AFF2: variants seen among roughly 807,000 people sequenced by gnomAD.
AFF2 encodes the protein ALF transcription elongation factor 2, also known as AF4/FMR2 family member 2.
Under a neutral mutation model 76.9 loss-of-function variants are expected in AFF2, and 14 were observed. That is an observed-to-expected ratio of 0.18 (90% CI 0.12 to 0.28). The LOEUF (loss-of-function observed/expected upper bound fraction) is 0.28, where lower values mean the gene tolerates loss of function less well. Among genes scored for constraint, AFF2 ranks in the 10% least tolerant of loss-of-function variants. AFF2 has a pLI of 1.00. For synonymous variants in AFF2, 398 were observed against 366.7 expected (o/e 1.09, Z -0.98); for missense variants, 868 against 1,001.1 (o/e 0.87, Z 1.79).
At chrX:148,703,458 G>A (rs782083654) in intron 3 of AFF2, among the ~76,000 whole-genome samples, 49 of 111,680 alleles carry the variant, frequency 4.4e-4, no homozygotes, top group Admixed American at 1.4e-3. Flanking sequence ...CATATCCCAG[G>A]AAAAATAATT....
chrX:148,955,346 A>G (rs1451106631), intron 10 of AFF2, among the ~76,000 whole-genome samples: 1 of 112,779 alleles, frequency 8.9e-6, no homozygotes, highest in African/African-American at 3.2e-5. Context: ...TGGCCAAACT[A>G]GAGAATATTT....
At chrX:148,852,015 T>C (rs370819060) in intron 7 of AFF2, among the ~76,000 whole-genome samples, 1 of 110,988 alleles carries the variant, frequency 9.0e-6, no homozygotes, top group South Asian at 3.8e-4. Flanking sequence ...CTAAGGATAA[T>C]AGCCTCCAGC....
chrX:148,719,163 AC>A, intron 3 of AFF2: 3 of 1,146,743 alleles, frequency 2.6e-6, no homozygotes, highest in Non-Finnish European at 3.5e-6. Context: ...GATATGCTTC[AC>A]CCCTCTTTCT....
intron 1 of AFF2, among the ~76,000 whole-genome samples, chrX:148,528,304 C>G (rs1447068240): frequency 2.7e-5 from 3 of 111,913 alleles, no homozygotes; most frequent in Non-Finnish European, 5.6e-5. Context: ...CTTTAGCACA[C>G]TAGTCAATTA....
intron 9 of AFF2, among the ~76,000 whole-genome samples, chrX:148,906,388 G>T (rs2071407644): frequency 9.0e-6 from 1 of 111,426 alleles, no homozygotes; most frequent in African/African-American, 3.3e-5. Flanking sequence ...ATTGAGAGGG[G>T]GACTGAGAGA....
intron 3 of AFF2, 145 bp from the exon 4 acceptor site, chrX:148,809,731 A>T: frequency 3.8e-6 from 2 of 520,643 alleles, no homozygotes; most frequent in Non-Finnish European, 6.2e-6. Context: ...AAACAAAATT[A>T]GTCATTTGCA....
intron 3 of AFF2, among the ~76,000 whole-genome samples, chrX:148,741,021 G>T (rs367797320): frequency 8.9e-6 from 1 of 111,985 alleles, no homozygotes; most frequent in African/African-American, 3.2e-5. Flanking sequence ...TCTCTCACCC[G>T]TGGATACCAG....
intron 3 of AFF2, among the ~76,000 whole-genome samples, chrX:148,746,687 C>G (rs896257775): frequency 8.0e-5 from 9 of 112,758 alleles, no homozygotes; most frequent in African/African-American, 2.6e-4. Context: ...CCTGCAACTT[C>G]CTATCCTGGG....
In AFF2 at chrX:148,758,899, A is replaced by G. The variant is rs376381573; in HGVS notation, c.1042-50977A>G. Among the ~76,000 whole-genome samples, 4 of 111,583 alleles carry G rather than the reference A, an allele frequency of 3.6e-5. No individual in the cohort carries two copies. In the East Asian group the frequency reaches 8.5e-4, roughly 24 times the overall value. ...TTTCCCAACTGTCCTGAGATTCCCA[A>G]CTGAGCTGGGATTATAGGGGTCCGC... On this transcript the variant is annotated intron_variant, in intron 3 of 20. Transcript: ENST00000370460.
intron 3 of AFF2, among the ~76,000 whole-genome samples, chrX:148,680,266 G>T (rs782526966): frequency 3.6e-5 from 4 of 112,359 alleles, no homozygotes; most frequent in Non-Finnish European, 7.5e-5. Context: ...TGCTGAATAA[G>T]TGAATACATC....
chrX:148,753,712 T>C (rs1422588435), intron 3 of AFF2, among the ~76,000 whole-genome samples: 4 of 111,719 alleles, frequency 3.6e-5, no homozygotes, highest in South Asian at 3.7e-4. Flanking sequence ...TTGTCACTGT[T>C]AATTGTGACT....
intron 3 of AFF2, among the ~76,000 whole-genome samples, chrX:148,685,654 A>G (rs12395540): frequency 0.062 from 6,868 of 111,236 alleles, 531 homozygotes; most frequent in African/African-American, 0.21. Flanking sequence ...ACTATTGTAG[A>G]TAGGAACCAT....
chrX:148,964,025 A>C (rs782434304), intron 13 of AFF2, among the ~76,000 whole-genome samples: 3 of 112,369 alleles, frequency 2.7e-5, no homozygotes, highest in African/African-American at 9.7e-5. Context: ...ATGAAGTGTA[A>C]AAGATCCACA....
At chrX:148,882,669 C>T (rs5936235) in intron 7 of AFF2, among the ~76,000 whole-genome samples, 5,411 of 111,616 alleles carry the variant, frequency 0.048, 116 homozygotes, top group South Asian at 0.093. Context: ...TCTGCTGAGA[C>T]GACCTTAACT....
At chrX:148,736,053 T>C (rs957664828) in intron 3 of AFF2, among the ~76,000 whole-genome samples, 1 of 112,334 alleles carries the variant, frequency 8.9e-6, no homozygotes, top group East Asian at 2.8e-4. Flanking sequence ...GATTTTGCAA[T>C]TGTAAATTGT....
intron 8 of AFF2, among the ~76,000 whole-genome samples, chrX:148,900,546 C>G (rs2071342867): frequency 1.8e-5 from 2 of 111,190 alleles, no homozygotes; most frequent in Admixed American, 1.9e-4. Flanking sequence ...TCTCAAGATA[C>G]CCCATGACAG....
intron 16 of AFF2, 141 bp downstream of exon 16, chrX:148,973,748 AT>A: frequency 1.7e-6 from 1 of 605,529 alleles, no homozygotes; most frequent in Non-Finnish European, 2.4e-6. Flanking sequence ...AGTTCTTGCC[AT>A]TTTATTAATA....
intron 20 of AFF2, among the ~76,000 whole-genome samples, chrX:148,987,780 C>A (rs61688867): frequency 0.033 from 3,650 of 111,754 alleles, 151 homozygotes; most frequent in African/African-American, 0.11. Flanking sequence ...AGCTTAAACT[C>A]ATTTGAACTG....
intron 3 of AFF2, among the ~76,000 whole-genome samples, chrX:148,805,373 CTGTCT>C (rs1557271242): frequency 9.0e-6 from 1 of 111,504 alleles, no homozygotes; most frequent in African/African-American, 3.3e-5. Context: ...AAAAAATGAC[CTGTCT>C]TCTCTCACAA....
Sources: allele counts gnomAD v4.1 joint callset (sites outside exome capture counted in the v4.1 genomes callset), GRCh38; gene constraint gnomAD v4.1.1; transcripts MANE v1.5; gene names NCBI Gene and HGNC (gene_info 2026-07-23, HGNC 2026-07-21).